COL22A1: variants seen among roughly 807,000 people sequenced by gnomAD.
COL22A1 encodes the protein collagen type XXII alpha 1 chain.
Under a neutral mutation model 248.9 loss-of-function variants are expected in COL22A1, and 221 were observed. The ratio of observed to expected loss-of-function variants is 0.89; its 90% CI spans 0.80 to 0.99. The LOEUF is 0.99. Among genes scored for constraint, COL22A1 ranks in the 50% least tolerant of loss-of-function variants. COL22A1 has a pLI of 0.00. For synonymous variants in COL22A1, 891 were observed against 793.4 expected (o/e 1.12, Z -2.07); for missense variants, 2,240 against 2,179.0 (o/e 1.03, Z -0.56).
At chr8:138,644,816 C>A (rs1412743631) in intron 47 of COL22A1, among the ~76,000 whole-genome samples, 1 of 152,112 alleles carries the variant, frequency 6.6e-6, no homozygotes, top group East Asian at 1.9e-4. Context: ...AGCATAAATT[C>A]CTGCTGCTTT....
intron 10 of COL22A1, among the ~76,000 whole-genome samples, chr8:138,804,809 G>A (rs958349394): frequency 1.4e-5 from 2 of 145,672 alleles, no homozygotes; most frequent in African/African-American, 5.2e-5. Flanking sequence ...TGTGTGTGAT[G>A]GGATGTGTGT....
intron 1 of COL22A1, among the ~76,000 whole-genome samples, chr8:138,895,138 C>T (rs1322645544): frequency 6.6e-6 from 1 of 151,628 alleles, no homozygotes; most frequent in African/African-American, 2.4e-5. Flanking sequence ...CAGCCAGGAG[C>T]TGAACATCTA....
In COL22A1 at chr8:138,755,893, C is replaced by A. The variant is rs539239417; in HGVS notation, c.1903-64G>T. On this transcript the variant is annotated intron_variant, in intron 18 of 64. Transcript: ENST00000303045. ...TGCCACCTTCTGTGGCAGTCCCATC[C>A]CTCTGAGGCTTATTCTTGTGGGCCC... is the stretch of plus-strand genomic sequence containing the variant. 6.3e-6 allele frequency: 9 copies of A among 1,418,958 alleles called. No homozygotes were observed. In the African/African-American group the frequency reaches 9.9e-5, roughly 16 times the overall value. The allele number at this position is 1,418,958 out of a possible 1,614,324, so 87.9% of individuals were successfully genotyped here. A position where few individuals can be genotyped will look rare whatever the true frequency, so the allele number is the denominator to read the frequency against.
intron 16 of COL22A1, among the ~76,000 whole-genome samples, chr8:138,764,424 G>A (rs530017950): frequency 2.7e-4 from 41 of 152,284 alleles, no homozygotes; most frequent in South Asian, 2.1e-4. Flanking sequence ...CTGACTCTGC[G>A]TCTCCAAGTG....
At chr8:138,602,187 T>C (rs1246199244) in intron 59 of COL22A1, 28 bp from the exon 60 acceptor site, 2 of 1,613,428 alleles carry the variant, frequency 1.2e-6, no homozygotes, top group Admixed American at 3.3e-5. Flanking sequence ...GGACAGTCAT[T>C]GCCCCGGGCC....
chr8:138,860,280 C>T (rs1467128790), intron 3 of COL22A1, among the ~76,000 whole-genome samples: 3 of 152,186 alleles, frequency 2.0e-5, no homozygotes, highest in Non-Finnish European at 4.4e-5. Context: ...GAGGTGTCCA[C>T]ATGTGTATCC....
intron 48 of COL22A1, among the ~76,000 whole-genome samples, chr8:138,636,128 C>T (rs905895337): frequency 1.3e-5 from 2 of 152,048 alleles, no homozygotes; most frequent in Admixed American, 6.6e-5. Flanking sequence ...AGAAGGATAA[C>T]AGTCATTTCC....
chr8:138,629,281 C>G (rs1820514151), intron 50 of COL22A1, among the ~76,000 whole-genome samples: 4 of 152,208 alleles, frequency 2.6e-5, no homozygotes, highest in Non-Finnish European at 5.9e-5. Context: ...TTCAGCCTCC[C>G]AAGTAGGTGG....
rs557546397 is a variant in COL22A1 at position 138,707,678 on chromosome 8, C to T, written c.2518-4331G>A. On this transcript the variant is annotated intron_variant, in intron 30 of 64. Transcript: ENST00000303045. The stretch of plus-strand genomic sequence containing the variant: ...TTTATGACAAACCCACAACCAATAT[C>T]ATACTGAATGGGCAAAAACTGGAAG... 5.4e-4 allele frequency among the ~76,000 whole-genome samples: 82 copies of T among 152,298 alleles called. No homozygotes were observed. In the Middle Eastern group the frequency reaches 0.01, roughly 19 times the overall value.
intron 47 of COL22A1, among the ~76,000 whole-genome samples, chr8:138,645,888 C>T (rs1822162990): frequency 1.3e-5 from 2 of 152,142 alleles, no homozygotes; most frequent in Admixed American, 1.3e-4. Flanking sequence ...AGCACAGAGG[C>T]CACAAGAGAT....
rs559519347 is a variant in COL22A1 at position 138,778,380 on chromosome 8, G to A, written c.1731C>T (p.Pro577=). Residue 577 remains proline, a synonymous_variant, in exon 15 of 65, where the codon CCC becomes CCT. Coordinates refer to ENST00000303045, the MANE Select transcript of COL22A1 (RefSeq NM_152888.3). ...MRGPQGPPGL[P]GPPGRVGAPG... ...GAGCTCCGACACGTCCAGGAGGTCC[G>A]GGGAGTCCAGGTGGTCCTTGGGGCC... is the stretch of plus-strand genomic sequence containing the variant. The A allele has an allele frequency of 1.6e-5, 25 of 1,610,366 alleles. No homozygotes were observed. The highest frequency in any genetic ancestry group is 1.7e-4 in the Middle Eastern group (1 of 6,032).
intron 35 of COL22A1, among the ~76,000 whole-genome samples, chr8:138,693,432 T>C (rs779310050): frequency 3.9e-4 from 59 of 152,204 alleles, no homozygotes; most frequent in Admixed American, 6.5e-4. Context: ...TTTCATTCGC[T>C]GGGCATGTGG....
chr8:138,638,882 A>G (rs1410504989), intron 47 of COL22A1, among the ~76,000 whole-genome samples: 1 of 152,130 alleles, frequency 6.6e-6, no homozygotes, highest in Non-Finnish European at 1.5e-5. Flanking sequence ...TCATGTTGCA[A>G]CAATGAAAAT....
intron 7 of COL22A1, among the ~76,000 whole-genome samples, chr8:138,819,621 T>C (rs989131634): frequency 6.7e-6 from 1 of 148,214 alleles, no homozygotes; most frequent in African/African-American, 2.4e-5. Flanking sequence ...ATATTATATA[T>C]AATGGTATAT....
In COL22A1 at chr8:138,694,849, C is replaced by A. The variant is rs374559245; in HGVS notation, c.2623G>T (p.Asp875Tyr). 14 of 1,614,080 alleles carry A rather than the reference C, an allele frequency of 8.7e-6. No homozygotes were observed. Among genetic ancestry groups the A allele is most frequent in the African/African-American group, 5.3e-5 (4 of 75,026 alleles). ...ACCGGTTCCCCAGGCAGGCCTGGAT[C>A]GCCCTTCTCTCCTTTGGGCCCTTGT... ...GEQGPKGEKG[D>Y]PGLPGEPGLQ... is the part of the protein sequence containing the mutation. The change falls in exon 33 of 65, where the codon GAT (aspartate) becomes TAT (tyrosine). Residue 875 changes from aspartate (D) to tyrosine (Y), a missense_variant. By Grantham distance (160) the Asp-to-Tyr change is radical (BLOSUM62 -3). Coordinates refer to ENST00000303045, the MANE Select transcript of COL22A1 (RefSeq NM_152888.3).
chr8:138,856,442 G>T (rs1189200289), intron 3 of COL22A1, among the ~76,000 whole-genome samples: 2 of 152,030 alleles, frequency 1.3e-5, no homozygotes, highest in African/African-American at 4.8e-5. Context: ...GAGACAGAGA[G>T]GGAGAAGCAG....
chr8:138,683,022 C>T (rs1826074798), intron 39 of COL22A1, among the ~76,000 whole-genome samples: 1 of 152,148 alleles, frequency 6.6e-6, no homozygotes, highest in Non-Finnish European at 1.5e-5. Context: ...AAAACCAGGA[C>T]AAACATCTCC....
intron 1 of COL22A1, among the ~76,000 whole-genome samples, chr8:138,909,248 A>G (rs571891587): frequency 6.6e-6 from 1 of 152,374 alleles, no homozygotes; most frequent in East Asian, 1.9e-4. Flanking sequence ...ATGTTGCTAC[A>G]TATTGGCACA....
At chr8:138,616,645 C>T (rs985291450) in intron 54 of COL22A1, among the ~76,000 whole-genome samples, 5 of 152,210 alleles carry the variant, frequency 3.3e-5, no homozygotes, top group East Asian at 1.9e-4. Flanking sequence ...TCAGGGCTGA[C>T]ATGCGTGACA....
Sources: gnomAD v4.1 joint callset for allele counts (sites outside exome capture counted in the v4.1 genomes callset) on GRCh38, gnomAD v4.1.1 for gene constraint, MANE v1.5 for transcripts, NCBI Gene and HGNC (gene_info 2026-07-23, HGNC 2026-07-21) for gene names.